Variants in GRIK1 observed in about 807,000 individuals in gnomAD.
The protein encoded by GRIK1 is glutamate receptor ionotropic, kainate 1.
A neutral mutation model predicts 105.7 loss-of-function variants in GRIK1; 69 were observed. The observed-to-expected ratio is 0.65, with a 90% CI of 0.54 to 0.80. The LOEUF (loss-of-function observed/expected upper bound fraction) is 0.80, where lower values mean the gene tolerates loss of function less well. Among genes scored for constraint, GRIK1 ranks in the 30% least tolerant of loss-of-function variants. The pLI is 0.00. For missense variants in GRIK1, 1,109 were observed against 1,167.3 expected, an observed-to-expected ratio of 0.95 and a Z score of 0.73; for synonymous variants, 438 against 431.3, an observed-to-expected ratio of 1.02 and a Z score of -0.19.
At chr21:29,767,864 A>G (rs550542336) in intron 1 of GRIK1, among the ~76,000 whole-genome samples, 11 of 147,222 alleles carry the variant, frequency 7.5e-5, no homozygotes, top group East Asian at 2.0e-4. Context: ...GCTGAAATTC[A>G]TGTGTGTGTG....
intron 4 of GRIK1, among the ~76,000 whole-genome samples, chr21:29,656,112 C>T (rs1009538202): frequency 2.0e-5 from 3 of 150,902 alleles, no homozygotes; most frequent in Admixed American, 1.3e-4. Context: ...GCCTGTAATC[C>T]AGCACTTTGG....
intron 7 of GRIK1, among the ~76,000 whole-genome samples, chr21:29,601,498 G>A (rs368933476): frequency 4.7e-4 from 72 of 152,220 alleles, no homozygotes; most frequent in South Asian, 2.7e-3. Flanking sequence ...CCTAAGCTAC[G>A]TCTCCAGAAT....
At chr21:29,725,007 TA>T (rs76948130) in intron 1 of GRIK1, among the ~76,000 whole-genome samples, 16,163 of 112,064 alleles carry the variant, frequency 0.14, 989 homozygotes, top group African/African-American at 0.2. Context: ...CTTTGCCACC[TA>T]AAAAAAAAAA....
In GRIK1 at chr21:29,894,803, G is replaced by A. The variant is rs575925284; in HGVS notation, c.118+44580C>T. 1.2e-3 allele frequency among the ~76,000 whole-genome samples: 176 copies of A among 152,224 alleles called. 2 individuals carry two copies. Among genetic ancestry groups the A allele is most frequent in the African/African-American group, 4.0e-3 (167 of 41,542 alleles). Reference sequence around the variant, plus strand: ...TGCCAAAAATTGATGAGTGCCCCCTGGATCCACTTCTGTTTGAGTATATGG... The same window carrying A: ...TGCCAAAAATTGATGAGTGCCCCCTAGATCCACTTCTGTTTGAGTATATGG... On this transcript the variant is annotated intron_variant, in intron 1 of 17. Transcript: ENST00000327783.
chr21:29,695,167 A>G (rs2063671594), intron 1 of GRIK1, among the ~76,000 whole-genome samples: 1 of 152,070 alleles, frequency 6.6e-6, no homozygotes, highest in African/African-American at 2.4e-5. Flanking sequence ...TCATCAGAGA[A>G]TGAGCTCTGA....
intron 1 of GRIK1, among the ~76,000 whole-genome samples, chr21:29,710,764 C>T (rs552353676): frequency 6.7e-4 from 79 of 118,282 alleles, no homozygotes; most frequent in African/African-American, 2.5e-3. Flanking sequence ...TCCCTCCCTC[C>T]GTCCGTCCCT....
intron 1 of GRIK1, among the ~76,000 whole-genome samples, chr21:29,877,414 A>G (rs2069229265): frequency 6.6e-6 from 1 of 152,196 alleles, no homozygotes; most frequent in Non-Finnish European, 1.5e-5. Flanking sequence ...ACAAAATAAG[A>G]ACGATTATAT....
chr21:29,811,400 T>C (rs1361246850), intron 1 of GRIK1, among the ~76,000 whole-genome samples: 1 of 152,188 alleles, frequency 6.6e-6, no homozygotes, highest in East Asian at 1.9e-4. Flanking sequence ...TTTCATTATA[T>C]TGTGGGCATA....
intron 1 of GRIK1, among the ~76,000 whole-genome samples, chr21:29,843,295 A>G (rs1027668006): frequency 5.3e-5 from 8 of 152,168 alleles, no homozygotes; most frequent in African/African-American, 1.9e-4. Context: ...GTTCAACCCA[A>G]TTCTGCTCAC....
intron 1 of GRIK1, among the ~76,000 whole-genome samples, chr21:29,785,866 G>A (rs963798101): frequency 6.6e-6 from 1 of 152,184 alleles, no homozygotes. Flanking sequence ...GAAAGAATGG[G>A]CTAGGGGACA....
chr21:29,690,071 C>A (rs900240655), intron 2 of GRIK1, 86 bp from the exon 3 acceptor site: 3 of 1,045,274 alleles, frequency 2.9e-6, no homozygotes, highest in African/African-American at 3.2e-5. Flanking sequence ...TTAATTTTTT[C>A]TTTCATGATT....
At chr21:29,733,495 A>T (rs2064692529) in intron 1 of GRIK1, among the ~76,000 whole-genome samples, 1 of 151,958 alleles carries the variant, frequency 6.6e-6, no homozygotes, top group African/African-American at 2.4e-5. Flanking sequence ...TTGCATCCTA[A>T]TCCCCTAATT....
At chr21:29,616,430 C>T (rs1381174478) in intron 7 of GRIK1, among the ~76,000 whole-genome samples, 4 of 152,186 alleles carry the variant, frequency 2.6e-5, no homozygotes, top group Admixed American at 6.5e-5. Context: ...CTTAACTAAT[C>T]CTTTTGCAGC....
At chr21:29,747,055 T>C (rs1293896401) in intron 1 of GRIK1, among the ~76,000 whole-genome samples, 1 of 152,158 alleles carries the variant, frequency 6.6e-6, no homozygotes, top group East Asian at 1.9e-4. Context: ...CCCAAGAACT[T>C]AGGAATAATG....
intron 7 of GRIK1, among the ~76,000 whole-genome samples, chr21:29,601,031 C>T (rs145380470): frequency 2.0e-5 from 3 of 152,180 alleles, no homozygotes; most frequent in African/African-American, 7.2e-5. Context: ...CTAGGCCACA[C>T]GATGCCCAAA....
At chr21:29,548,973 A>G (rs945852757) in intron 16 of GRIK1, among the ~76,000 whole-genome samples, 2 of 152,218 alleles carry the variant, frequency 1.3e-5, no homozygotes, top group African/African-American at 4.8e-5. Flanking sequence ...ACTTATTAGG[A>G]AACAAATTGG....
chr21:29,817,748 GTTTGCT>G, intron 1 of GRIK1, among the ~76,000 whole-genome samples: 1 of 152,136 alleles, frequency 6.6e-6, no homozygotes. Flanking sequence ...ATAAATTAAT[GTTTGCT>G]TTTGCAAATC....
intron 6 of GRIK1, among the ~76,000 whole-genome samples, chr21:29,645,609 G>A (rs1055966445): frequency 1.3e-5 from 2 of 152,094 alleles, no homozygotes; most frequent in African/African-American, 4.8e-5. Context: ...GAAATACAAT[G>A]TTTTCTTAGA....
At chr21:29,643,368 A>G (rs73900042) in intron 6 of GRIK1, among the ~76,000 whole-genome samples, 7,561 of 152,262 alleles carry the variant, frequency 0.05, 461 homozygotes, top group African/African-American at 0.14. Flanking sequence ...GTCTATATCT[A>G]TTTATCTATC....
Sources: gnomAD v4.1 joint callset for allele counts (sites outside exome capture counted in the v4.1 genomes callset) on GRCh38, gnomAD v4.1.1 for gene constraint, MANE v1.5 for transcripts, NCBI Gene and HGNC (gene_info 2026-07-23, HGNC 2026-07-21) for gene names.